Variants in DDI2 observed in about 807,000 individuals in gnomAD.
DDI2 encodes the protein DDI proteasomal shuttling factor 2, also known as protein DDI1 homolog 2.
Under a neutral mutation model 48.1 loss-of-function variants are expected in DDI2, and 5 were observed. The observed-to-expected ratio is 0.10, with a 90% CI of 0.05 to 0.22. The LOEUF is 0.22. Ranked by LOEUF, DDI2 falls within the 10% of genes least tolerant of loss-of-function variation. The pLI is 1.00. For synonymous variants in DDI2, 205 were observed against 183.6 expected (o/e 1.12, Z -0.94); for missense variants, 285 against 506.2 (o/e 0.56, Z 4.19).
At chr1:15,629,903 T>G (rs1032165275) in intron 2 of DDI2, among the ~76,000 whole-genome samples, 1 of 151,946 alleles carries the variant, frequency 6.6e-6, no homozygotes, top group African/African-American at 2.4e-5. Flanking sequence ...AGCTAATTTT[T>G]GTATATTTAG....
intron 4 of DDI2, among the ~76,000 whole-genome samples, chr1:15,635,696 C>T (rs1308877309): frequency 2.6e-5 from 4 of 152,148 alleles, no homozygotes; most frequent in Admixed American, 1.3e-4. Flanking sequence ...TGAGCCACTG[C>T]GCCTGGCCAC....
At chr1:15,636,667 C>G (rs138504320) in intron 4 of DDI2, among the ~76,000 whole-genome samples, 12 of 152,248 alleles carry the variant, frequency 7.9e-5, no homozygotes, top group African/African-American at 2.4e-4. Context: ...ACTGTGTTGC[C>G]CAGGCTGGTG....
chr1:15,631,135 G>A (rs1368348751), intron 3 of DDI2, among the ~76,000 whole-genome samples: 1 of 151,844 alleles, frequency 6.6e-6, no homozygotes, highest in Non-Finnish European at 1.5e-5. Flanking sequence ...GAGCCACCAT[G>A]CCCAGCCAGT....
chr1:15,644,762 T>G (rs1640063204), intron 6 of DDI2, among the ~76,000 whole-genome samples: 2 of 151,180 alleles, frequency 1.3e-5, no homozygotes, highest in Non-Finnish European at 2.9e-5. Flanking sequence ...CCCGGCTAAT[T>G]TTTTGTATTT....
chr1:15,635,122 AG>A (rs1639907832), intron 4 of DDI2, among the ~76,000 whole-genome samples: 1 of 151,976 alleles, frequency 6.6e-6, no homozygotes, highest in East Asian at 1.9e-4. Context: ...CCAGCTACTC[AG>A]GAGGCTGAGG....
chr1:15,626,684 A>G lies in DDI2; in HGVS notation c.154A>G (p.Arg52Gly). 2 of 1,614,152 alleles carry G rather than the reference A, an allele frequency of 1.2e-6. No individual in the cohort carries two copies. The highest frequency in any genetic ancestry group is 1.1e-5 in the South Asian group (1 of 91,080). Residue 52 changes from arginine (R) to glycine (G), a missense_variant, in exon 2 of 10, where the codon AGA (arginine) becomes GGA (glycine). By Grantham distance (125) the Arg-to-Gly change is moderately radical. Around this residue, in one of 3 missense-constraint regions of DDI2, gnomAD observed 149 missense variants for 236.5 expected, o/e 0.63. Coordinates refer to ENST00000480945, the MANE Select transcript of DDI2 (RefSeq NM_032341.5). ...AAESQIVYAE[R>G]PLTDNHRSLA... ...CTTGTTGTAGATCGTCTATGCGGAAAGACCTCTCACAGACAACCACAGATC... is the reference window on the plus strand; with the variant it reads ...CTTGTTGTAGATCGTCTATGCGGAAGGACCTCTCACAGACAACCACAGATC...
rs561538978 is a variant in DDI2 at position 15,619,170 on chromosome 1, G to T, written c.138+1362G>T. On this transcript the variant is annotated intron_variant, in intron 1 of 9. Transcript: ENST00000480945. ...GAGTCTTGCTCTGTCGCCCATGCTG[G>T]AGTGCAGTGGTGCGTTCTCGACTCA... Among the ~76,000 whole-genome samples the T allele has an allele frequency of 2.5e-3, 373 of 152,208 alleles. 2 individuals carry two copies. Among genetic ancestry groups the T allele is most frequent in the Non-Finnish European group, 4.3e-3 (293 of 68,004 alleles).
chr1:15,623,916 T>C (rs753230594), intron 1 of DDI2, among the ~76,000 whole-genome samples: 13 of 151,652 alleles, frequency 8.6e-5, no homozygotes, highest in Non-Finnish European at 1.6e-4. Flanking sequence ...AAAAAAAAAT[T>C]AGCCGCTTGT....
chr1:15,652,879 C>G (rs532730532), intron 8 of DDI2, among the ~76,000 whole-genome samples: 40 of 151,900 alleles, frequency 2.6e-4, no homozygotes, highest in African/African-American at 9.4e-4. Context: ...TGGCACACCC[C>G]CCGTAACCCC....
At chr1:15,619,804 G>T (rs1639629156) in intron 1 of DDI2, among the ~76,000 whole-genome samples, 1 of 152,076 alleles carries the variant, frequency 6.6e-6, no homozygotes, top group Non-Finnish European at 1.5e-5. Context: ...CCCTGGTTAT[G>T]ATCACCGGCT....
intron 6 of DDI2, among the ~76,000 whole-genome samples, chr1:15,646,191 G>GC (rs1248735517): frequency 6.6e-6 from 1 of 152,228 alleles, no homozygotes; most frequent in Non-Finnish European, 1.5e-5. Context: ...GGCTAACTGT[G>GC]CCTCTGCGGC....
rs10927821 is a variant in DDI2, at chr1:15,662,204, A to G, written c.*2414A>G. 0.031 allele frequency: 4,858 copies of G among 154,304 alleles called. 265 individuals are homozygous for G. Among genetic ancestry groups the G allele is most frequent in the African/African-American group, 0.11 (4,553 of 41,546 alleles). The allele number at this position is 154,304 out of a possible 1,614,324, so 9.6% of individuals were successfully genotyped here. A position where few individuals can be genotyped will look rare whatever the true frequency, so the allele number is the denominator to read the frequency against. ...CAATTTAGAAACTTTTGACCACATAATTTGGTGTTTGGAATTCTACCCAGT... is the reference window on the plus strand; with the variant it reads ...CAATTTAGAAACTTTTGACCACATAGTTTGGTGTTTGGAATTCTACCCAGT... On this transcript the variant is annotated 3_prime_UTR_variant, in exon 10 of 10. Coordinates refer to ENST00000480945, the MANE Select transcript of DDI2 (RefSeq NM_032341.5).
Position 15,633,345 on chromosome 1 carries a change from C to T in DDI2, c.506-94C>T. On this transcript the variant is annotated intron_variant, in intron 3 of 9. Coordinates refer to ENST00000480945, the MANE Select transcript of DDI2 (RefSeq NM_032341.5). ...TTAGGCATCCTCTCTGCATCTCTTA[C>T]AGATGTAGTTTGATAAATTGTTTGG... The T allele has an allele frequency of 6.3e-6, 9 of 1,432,032 alleles. No homozygotes were observed. In the Admixed American group the frequency reaches 1.0e-4, roughly 16 times the overall value. The allele number at this position is 1,432,032 out of a possible 1,614,324, so 88.7% of individuals were successfully genotyped here.
chr1:15,642,790 G>A (rs987966204), intron 5 of DDI2, among the ~76,000 whole-genome samples: 11 of 152,138 alleles, frequency 7.2e-5, no homozygotes, highest in Admixed American at 2.0e-4. Flanking sequence ...TGGACGTGCC[G>A]GGTGCAGTGG....
Position 15,660,624 on chromosome 1 carries a change from T to C in DDI2, c.*834T>C, listed in dbSNP as rs772698298. The C allele has an allele frequency of 4.3e-6, 7 of 1,614,156 alleles. No individual in the cohort carries two copies. In the Admixed American group the frequency reaches 1.2e-4, roughly 27 times the overall value. Reference sequence around the variant, plus strand: ...ATTCAGAAACATTTATGGAAATCGATACAGCTCAACAGTCCCTAGTTACTT... The same window carrying C: ...ATTCAGAAACATTTATGGAAATCGACACAGCTCAACAGTCCCTAGTTACTT... On this transcript the variant is annotated 3_prime_UTR_variant, in exon 10 of 10. Coordinates refer to ENST00000480945, the MANE Select transcript of DDI2 (RefSeq NM_032341.5).
intron 8 of DDI2, among the ~76,000 whole-genome samples, chr1:15,654,339 T>C (rs1026102571): frequency 5.3e-5 from 8 of 152,292 alleles, no homozygotes; most frequent in African/African-American, 1.9e-4. Flanking sequence ...CATCACCTTT[T>C]GGCTTAGTTT....
chr1:15,634,174 T>C (rs1168486702), intron 4 of DDI2: 1 of 169,040 alleles, frequency 5.9e-6, no homozygotes, highest in Non-Finnish European at 1.3e-5. Flanking sequence ...TGCAGATGCT[T>C]GGACTCTTCT....
rs1639584453 is a variant in DDI2 at position 15,617,646 on chromosome 1, A to G, written c.-25A>G. Reference sequence around the variant, plus strand: ...CCCGCGCCCAGGCCGGGCCGAGCCGAGCCGAGCCGGGTCGGGCCCGGGCCA... The same window carrying G: ...CCCGCGCCCAGGCCGGGCCGAGCCGGGCCGAGCCGGGTCGGGCCCGGGCCA... On this transcript the variant is annotated 5_prime_UTR_variant, in exon 1 of 10. Coordinates refer to ENST00000480945, the MANE Select transcript of DDI2 (RefSeq NM_032341.5). 1.4e-6 allele frequency: 2 copies of G among 1,395,948 alleles called. No individual in the cohort carries two copies. The highest frequency in any genetic ancestry group is 2.9e-5 in the East Asian group (1 of 34,182). 86.5% of individuals were successfully genotyped at this position (1,395,948 alleles called of 1,614,324 possible).
chr1:15,649,639 C>G, intron 6 of DDI2, 81 bp from the exon 7 acceptor site: 1 of 1,431,004 alleles, frequency 7.0e-7, no homozygotes, highest in Non-Finnish European at 9.5e-7. Flanking sequence ...CCATTGCACT[C>G]CAGCCTGGGC....
Sources: allele counts gnomAD v4.1 joint callset (sites outside exome capture counted in the v4.1 genomes callset), GRCh38; gene constraint gnomAD v4.1.1; regional missense constraint gnomAD v4.1.1; transcripts MANE v1.5; gene names NCBI Gene and HGNC (gene_info 2026-07-23, HGNC 2026-07-21).